Variants in FUT8 observed in about 807,000 individuals in gnomAD.
FUT8 encodes alpha-(1,6)-fucosyltransferase.
FUT8 carries 29 observed loss-of-function variants against 71.3 expected under a neutral mutation model. That is an observed-to-expected ratio of 0.41 (90% CI 0.30 to 0.55). FUT8 has a LOEUF of 0.55. Ranked by LOEUF, FUT8 falls within the 20% of genes least tolerant of loss-of-function variation. The probability of loss-of-function intolerance (pLI) is 0.34; values close to 1 mark genes in which losing one functional copy is unlikely to be tolerated. For synonymous variants in FUT8, 254 were observed against 239.3 expected (o/e 1.06, Z -0.57); for missense variants, 544 against 702.1 (o/e 0.77, Z 2.55).
intron 7 of FUT8, among the ~76,000 whole-genome samples, chr14:65,696,885 G>A (rs1012572084): frequency 6.6e-6 from 1 of 151,720 alleles, no homozygotes; most frequent in African/African-American, 2.4e-5. Flanking sequence ...TTTATTTTTA[G>A]CATTTAAAAA....
At chr14:65,496,327 C>CCTATGACTGCCCTT (rs1248940355) in intron 2 of FUT8, among the ~76,000 whole-genome samples, 3 of 152,160 alleles carry the variant, frequency 2.0e-5, no homozygotes, top group African/African-American at 7.2e-5. Flanking sequence ...CAACCTCAAC[C>CCTATGACTGCCCTT]CATCATAGTC....
chr14:65,366,110 C>A, the FUT8 span, among the ~76,000 whole-genome samples: 3 of 152,282 alleles, frequency 2.0e-5, no homozygotes, highest in Admixed American at 6.5e-5. Flanking sequence ...GATCCAGAAC[C>A]CTTTCCTGTA....
chr14:65,536,297 T>G (rs906086199), intron 2 of FUT8, among the ~76,000 whole-genome samples: 1 of 152,174 alleles, frequency 6.6e-6, no homozygotes, highest in African/African-American at 2.4e-5. Context: ...TGTTATTGTG[T>G]TGTTAGCTTT....
At chr14:65,591,272 T>C (rs571708776) in intron 3 of FUT8, among the ~76,000 whole-genome samples, 3 of 152,284 alleles carry the variant, frequency 2.0e-5, no homozygotes, top group Admixed American at 2.0e-4. Flanking sequence ...TCTCTTGGCC[T>C]ATCACTTGTC....
In FUT8 at chr14:65,662,385, C is replaced by G. The variant is rs1419327750; in HGVS notation, c.598-6858C>G. The stretch of plus-strand genomic sequence containing the variant: ...TGAGCAATAGAGCCAGACCTTGTCT[C>G]AAAAATAATAATAATAATTGAAGAA... On this transcript the variant is annotated intron_variant, in intron 6 of 10. Coordinates refer to ENST00000673929, the MANE Select transcript of FUT8 (RefSeq NM_001371533.1). Among the ~76,000 whole-genome samples, 4 of 151,908 alleles carry G rather than the reference C, an allele frequency of 2.6e-5. No homozygotes were observed. The East Asian group carries it at 7.7e-4, about 29-fold the overall frequency.
the FUT8 span, among the ~76,000 whole-genome samples, chr14:65,368,370 C>T: frequency 8.0e-4 from 81 of 100,908 alleles, 11 homozygotes; most frequent in Admixed American, 1.4e-3. Context: ...GACAGAGTTT[C>T]GCTCTTGTTG....
chr14:65,664,495 G>C (rs897337358), intron 6 of FUT8, among the ~76,000 whole-genome samples: 1 of 152,002 alleles, frequency 6.6e-6, no homozygotes, highest in Non-Finnish European at 1.5e-5. Context: ...ATTTTATCAG[G>C]GTTCTCTCAG....
At chr14:65,604,657 CACAAGTAG>C (rs1233987743) in intron 3 of FUT8, among the ~76,000 whole-genome samples, 1 of 151,680 alleles carries the variant, frequency 6.6e-6, no homozygotes, top group Non-Finnish European at 1.5e-5. Flanking sequence ...TCTGAAAGAG[CACAAGTAG>C]ACAATCTAAG....
intron 2 of FUT8, among the ~76,000 whole-genome samples, chr14:65,475,348 T>C (rs898437197): frequency 1.3e-5 from 2 of 152,152 alleles, no homozygotes; most frequent in African/African-American, 4.8e-5. Context: ...TTTGGGTGTT[T>C]GTATGGAGAG....
At position 65,500,528 on chromosome 14, in the gene FUT8, A is replaced by G. The variant is rs2066629791; in HGVS notation, c.-228+44810A>G. 3.3e-5 allele frequency among the ~76,000 whole-genome samples: 5 copies of G among 152,198 alleles called. No individual in the cohort carries two copies. In the South Asian group the frequency reaches 1.0e-3, roughly 32 times the overall value. ...TCCATTTTAAGCTCATTTCCTCTGT[A>G]GAGATGATGGTGGACAGCTGGTTAG... On this transcript the variant is annotated intron_variant, in intron 2 of 10. Coordinates refer to ENST00000673929, the MANE Select transcript of FUT8 (RefSeq NM_001371533.1).
intron 7 of FUT8, among the ~76,000 whole-genome samples, chr14:65,699,119 A>G (rs1200276544): frequency 6.9e-6 from 1 of 145,676 alleles, no homozygotes; most frequent in Admixed American, 6.9e-5. Context: ...TGTCTTGTGT[A>G]TGTCATGTAA....
At chr14:65,449,277 C>A (rs2065786938) in intron 1 of FUT8, among the ~76,000 whole-genome samples, 1 of 152,098 alleles carries the variant, frequency 6.6e-6, no homozygotes, top group Non-Finnish European at 1.5e-5. Context: ...TATTTGCTTA[C>A]CAATAAATAT....
intron 3 of FUT8, among the ~76,000 whole-genome samples, chr14:65,601,208 G>T (rs1290534839): frequency 6.6e-6 from 1 of 152,096 alleles, no homozygotes; most frequent in Non-Finnish European, 1.5e-5. Flanking sequence ...TAGGTAAAAT[G>T]GATATGTATA....
At chr14:65,648,341 A>G (rs1040797803) in intron 6 of FUT8, among the ~76,000 whole-genome samples, 15 of 152,068 alleles carry the variant, frequency 9.9e-5, no homozygotes, top group Admixed American at 6.5e-5. Context: ...CTTTAGCTAT[A>G]TATGAACTCT....
At chr14:65,439,956 A>ATG (rs1566748147) in intron 1 of FUT8, among the ~76,000 whole-genome samples, 4 of 30,672 alleles carry the variant, frequency 1.3e-4, no homozygotes, top group African/African-American at 3.8e-4. Flanking sequence ...GTGTGTGTGT[A>ATG]TATATATATA....
At chr14:65,482,411 C>G (rs1325444590) in intron 2 of FUT8, among the ~76,000 whole-genome samples, 1 of 151,942 alleles carries the variant, frequency 6.6e-6, no homozygotes. Context: ...TTAAGCAACA[C>G]CCTCCAAATT....
intron 2 of FUT8, among the ~76,000 whole-genome samples, chr14:65,457,272 T>A (rs2065906652): frequency 6.6e-6 from 1 of 152,236 alleles, no homozygotes; most frequent in South Asian, 2.1e-4. Context: ...AGGCCATGGT[T>A]GCATTTCTTT....
chr14:65,478,451 C>G (rs954164748), intron 2 of FUT8, among the ~76,000 whole-genome samples: 3 of 152,106 alleles, frequency 2.0e-5, no homozygotes, highest in African/African-American at 4.8e-5. Context: ...AGGAAAAACT[C>G]CCTATTCCCA....
chr14:65,541,822 A>G (rs1594754067), intron 2 of FUT8, among the ~76,000 whole-genome samples: 1 of 152,214 alleles, frequency 6.6e-6, no homozygotes, highest in East Asian at 1.9e-4. Flanking sequence ...CATAAAAAAT[A>G]TTTGTGGTTT....
Sources: allele counts gnomAD v4.1 joint callset (sites outside exome capture counted in the v4.1 genomes callset), GRCh38; gene constraint gnomAD v4.1.1; transcripts MANE v1.5; gene names NCBI Gene and HGNC (gene_info 2026-07-23, HGNC 2026-07-21).